The following ETFDH variants were observed in gnomAD, a reference collection of about 807,000 sequenced individuals.
ETFDH encodes the protein electron transfer flavoprotein dehydrogenase, also known as electron transfer flavoprotein-ubiquinone oxidoreductase, mitochondrial.
A neutral mutation model predicts 73.2 loss-of-function variants in ETFDH; 61 were observed. The observed-to-expected ratio is 0.83, with a 90% CI of 0.68 to 1.03. The LOEUF is 1.03. Ranked by LOEUF, ETFDH falls within the 50% of genes least tolerant of loss-of-function variation. The pLI is 0.00. For missense variants in ETFDH, 685 were observed against 745.0 expected (o/e 0.92, Z 0.94); for synonymous variants, 243 against 253.3 (o/e 0.96, Z 0.39).
intron 1 of ETFDH, among the ~76,000 whole-genome samples, chr4:158,678,948 C>A (rs943527689): frequency 1.4e-4 from 22 of 152,116 alleles, no homozygotes; most frequent in African/African-American, 5.1e-4. Flanking sequence ...CTGTGCCCAG[C>A]CAACCATAGT....
chr4:158,672,976 C>T (rs1392713478), intron 1 of ETFDH, among the ~76,000 whole-genome samples: 1 of 152,194 alleles, frequency 6.6e-6, no homozygotes, highest in Non-Finnish European at 1.5e-5. Context: ...GACCAAGTCA[C>T]CCAAGTGTAT....
chr4:158,692,888 A>T (rs866751758), intron 6 of ETFDH, among the ~76,000 whole-genome samples: 9,000 of 118,942 alleles, frequency 0.076, 348 homozygotes, highest in African/African-American at 0.12. Flanking sequence ...AAAAAAAAAA[A>T]ACATATATAT....
intron 10 of ETFDH, 84 bp from the exon 11 acceptor site, chr4:158,706,105 A>C: frequency 1.1e-6 from 1 of 940,126 alleles, no homozygotes; most frequent in Non-Finnish European, 1.8e-6. Flanking sequence ...TTCACTCATC[A>C]GCTATCAAAG....
chr4:158,701,284 A>G (rs1360486557), intron 9 of ETFDH, among the ~76,000 whole-genome samples: 1 of 152,206 alleles, frequency 6.6e-6, no homozygotes, highest in South Asian at 2.1e-4. Flanking sequence ...GGTGTCAACA[A>G]AGCCACAGCC....
rs566071326 is a variant in ETFDH at position 158,699,010 on chromosome 4, A to G, written c.996A>G (p.Pro332=). ...GLVVGLDYQN[P]YLSPFREFQR... ...AGGTTGGTCTAGACTATCAGAATCC[A>G]TACCTGAGTCCATTTAGAGAGTTCC... is the stretch of plus-strand genomic sequence containing the variant. Residue 332 remains proline, a synonymous_variant, in exon 9 of 13, where the codon CCA becomes CCG. Coordinates refer to ENST00000511912, the MANE Select transcript of ETFDH (RefSeq NM_004453.4). The G allele has an allele frequency of 3.7e-6, 6 of 1,609,208 alleles. No individual in the cohort carries two copies. In the African/African-American group the frequency reaches 4.0e-5, roughly 11 times the overall value.
At chr4:158,705,659 G>C (rs543679985) in intron 10 of ETFDH, among the ~76,000 whole-genome samples, 61 of 152,304 alleles carry the variant, frequency 4.0e-4, no homozygotes, top group African/African-American at 1.4e-3. Context: ...TGCTACCAAT[G>C]TAAGAAATCA....
In ETFDH at chr4:158,684,642, G is replaced by A. The variant is rs1311814302; in HGVS notation, c.456G>A (p.Glu152=). ...VTEDRFGILT[E]KYRIPVPILP... Reference sequence around the variant, plus strand: ...AAGACAGATTTGGAATTTTAACAGAGAAATACAGAATTCCTGTGCCAATTC... The same window carrying A: ...AAGACAGATTTGGAATTTTAACAGAAAAATACAGAATTCCTGTGCCAATTC... Residue 152 remains glutamate, a synonymous_variant, in exon 4 of 13, where the codon GAG becomes GAA. Coordinates refer to ENST00000511912, the MANE Select transcript of ETFDH (RefSeq NM_004453.4). The A allele has an allele frequency of 6.3e-7, 1 of 1,579,070 alleles. No homozygotes were observed.
At position 158,672,302 on chromosome 4, in the gene ETFDH, C is replaced by A; in HGVS notation, c.-155C>A. ...AGAAGGAGGTGGGAACGCCGTGAAG[C>A]AAGAGCGGTCGGCAGAGCGGGGAGG... On this transcript the variant is annotated 5_prime_UTR_variant, in exon 1 of 13. Coordinates refer to ENST00000511912, the MANE Select transcript of ETFDH (RefSeq NM_004453.4). 1 of 793,354 alleles carries A rather than the reference C, an allele frequency of 1.3e-6. No homozygotes were observed. The highest frequency in any genetic ancestry group is 2.2e-6 in the Non-Finnish European group (1 of 450,922). The allele number at this position is 793,354 out of a possible 1,614,324, so 49.1% of individuals were successfully genotyped here.
chr4:158,696,199 C>T (rs1774304225), intron 7 of ETFDH, among the ~76,000 whole-genome samples: 1 of 152,110 alleles, frequency 6.6e-6, no homozygotes, highest in South Asian at 2.1e-4. Context: ...TTCATTATAA[C>T]CCTTTTGCTT....
chr4:158,684,794 T>C, intron 4 of ETFDH, 121 bp downstream of exon 4: 1 of 727,258 alleles, frequency 1.4e-6, no homozygotes, highest in Non-Finnish European at 2.5e-6. Flanking sequence ...TTGAAGGACT[T>C]ACTCAAAGCT....
intron 5 of ETFDH, among the ~76,000 whole-genome samples, chr4:158,690,135 T>C (rs1479451309): frequency 1.3e-5 from 2 of 152,116 alleles, no homozygotes; most frequent in African/African-American, 4.8e-5. Context: ...TGTGGCATTG[T>C]TTTCATTTCC....
Position 158,682,308 on chromosome 4 carries a change from G to C in ETFDH, c.289G>C (p.Asp97His). The C allele has an allele frequency of 6.2e-7, 1 of 1,614,176 alleles. No individual in the cohort carries two copies. The highest frequency in any genetic ancestry group is 8.5e-7 in the Non-Finnish European group (1 of 1,180,030). ...LKQLAVAHEK[D>H]IRVCLVEKAA... ...ACAGTTGGCTGTGGCACATGAAAAG[G>C]ACATCCGTGTGTGTCTAGTGGAGAA... The change falls in exon 3 of 13, where the codon GAC becomes CAC. Residue 97 changes from aspartate to histidine, a missense_variant. Asp to His is a moderately conservative substitution (Grantham distance 81, BLOSUM62 -1). This residue lies in a region of ETFDH where 405 missense variants were observed against 399.3 expected (regional missense o/e 1.01). Transcript: ENST00000511912.
Position 158,703,578 on chromosome 4 carries a change from A to G in ETFDH, c.1272A>G (p.Gln424=). ...IFNQLTSENL[Q]SKTIGLHVTE... is the part of the protein sequence containing the mutation. ...ATCAACTAACTAGTGAAAATCTCCA[A>G]TCAAAGACAATAGGTAAGAAATTCC... Residue 424 remains glutamine, a synonymous_variant, in exon 10 of 13, where the codon CAA becomes CAG. Transcript: ENST00000511912. The G allele has an allele frequency of 1.3e-6, 2 of 1,599,852 alleles. No individual in the cohort carries two copies. The highest frequency in any genetic ancestry group is 1.1e-5 in the South Asian group (1 of 90,764).
chr4:158,680,608 G>C lies in ETFDH; in HGVS notation c.175+1G>C, dbSNP rs796051961. ...CGGGATAAGGACAAGAGATGGGAAGGTAAGTAATAATTTGTGTACAATTCC... is the reference window on the plus strand; with the variant it reads ...CGGGATAAGGACAAGAGATGGGAAGCTAAGTAATAATTTGTGTACAATTCC... On this transcript the variant is annotated splice_donor_variant, in intron 2 of 12. Transcript: ENST00000511912. LOFTEE classifies it high-confidence loss of function. The C allele has an allele frequency of 6.2e-7, 1 of 1,608,700 alleles. No individual in the cohort carries two copies. Among genetic ancestry groups the C allele is most frequent in the Non-Finnish European group, 8.5e-7 (1 of 1,175,254 alleles).
At chr4:158,674,720 T>C (rs1773670996) in intron 1 of ETFDH, among the ~76,000 whole-genome samples, 2 of 152,234 alleles carry the variant, frequency 1.3e-5, no homozygotes, top group African/African-American at 2.4e-5. Context: ...AGCATTAATC[T>C]TTTATAGTAC....
At chr4:158,678,823 CTTTTTAT>C (rs1344562713) in intron 1 of ETFDH, among the ~76,000 whole-genome samples, 1 of 151,794 alleles carries the variant, frequency 6.6e-6, no homozygotes, top group Admixed American at 6.6e-5. Context: ...AATTTTTTTA[CTTTTTAT>C]TTTTTATTTC....
chr4:158,691,658 T>G (rs2150309502), intron 6 of ETFDH, among the ~76,000 whole-genome samples: 2 of 152,312 alleles, frequency 1.3e-5, no homozygotes, highest in South Asian at 4.1e-4. Flanking sequence ...TGACATGATT[T>G]TAACATCTTT....
chr4:158,689,844 TC>T (rs1774117706), intron 5 of ETFDH, among the ~76,000 whole-genome samples: 1 of 151,746 alleles, frequency 6.6e-6, no homozygotes, highest in Non-Finnish European at 1.5e-5. Flanking sequence ...TGACCTATTT[TC>T]CCCTTTTTTC....
At chr4:158,682,061 A>G (rs925966917) in intron 2 of ETFDH, 134 bp from the exon 3 acceptor site, 1 of 1,175,852 alleles carries the variant, frequency 8.5e-7, no homozygotes, top group Non-Finnish European at 1.2e-6. Flanking sequence ...TATGCTTAAT[A>G]TAATTATTGT....
Sources: gnomAD v4.1 joint callset for allele counts (sites outside exome capture counted in the v4.1 genomes callset) on GRCh38, gnomAD v4.1.1 for gene constraint, gnomAD v4.1.1 regional missense constraint, MANE v1.5 for transcripts, NCBI Gene and HGNC (gene_info 2026-07-23, HGNC 2026-07-21) for gene names.